Variants in CDH4 observed in about 807,000 individuals in gnomAD.
CDH4 encodes cadherin-4.
CDH4 carries 33 observed loss-of-function variants against 86.0 expected under a neutral mutation model. The ratio of observed to expected loss-of-function variants is 0.38; its 90% CI spans 0.29 to 0.51. The LOEUF is 0.51. Among genes scored for constraint, CDH4 ranks in the 20% least tolerant of loss-of-function variants. The pLI is 0.86. For synonymous variants in CDH4, 555 were observed against 549.4 expected (o/e 1.01, Z -0.14); for missense variants, 1,114 against 1,307.4 (o/e 0.85, Z 2.28).
chr20:61,502,091 CA>C (rs2085706213), intron 2 of CDH4, among the ~76,000 whole-genome samples: 2 of 115,796 alleles, frequency 1.7e-5, no homozygotes, highest in African/African-American at 7.5e-5. Context: ...GAGTGGGGGA[CA>C]GGGGTGGGAT....
Position 61,708,593 on chromosome 20 carries a change from A to G in CDH4, c.170-34970A>G, listed in dbSNP as rs1009702899. 8.6e-5 allele frequency among the ~76,000 whole-genome samples: 13 copies of G among 151,586 alleles called. No individual in the cohort carries two copies. The East Asian group carries it at 2.3e-3, about 27-fold the overall frequency. On this transcript the variant is annotated intron_variant, in intron 2 of 15. Transcript: ENST00000614565. The surrounding 1 kb of genome is among the most constrained non-coding windows in gnomAD (Gnocchi z 4.5). ...CCCCAGCCCTGCTCCCTCCAGCCTCATGCCCCTTGTAGACCCTCTCCACCC... is the reference window on the plus strand; with the variant it reads ...CCCCAGCCCTGCTCCCTCCAGCCTCGTGCCCCTTGTAGACCCTCTCCACCC...
Position 61,734,846 on chromosome 20 carries a change from A to G in CDH4, c.170-8717A>G, listed in dbSNP as rs1466342201. The stretch of plus-strand genomic sequence containing the variant: ...ACACAAAGCGCGCACAGTCACACGA[A>G]TCAACCTGGGCAGATATTCAAGAAC... On this transcript the variant is annotated intron_variant, in intron 2 of 15. Transcript: ENST00000614565. Among the ~76,000 whole-genome samples, 3 of 152,240 alleles carry G rather than the reference A, an allele frequency of 2.0e-5. No individual in the cohort carries two copies. The East Asian group carries it at 5.8e-4, about 29-fold the overall frequency.
At chr20:61,482,700 G>C (rs1461766540) in intron 2 of CDH4, among the ~76,000 whole-genome samples, 2 of 152,172 alleles carry the variant, frequency 1.3e-5, no homozygotes, top group African/African-American at 4.8e-5. Context: ...CATGTGACCA[G>C]AACCAGCCAA....
rs1244505096 is a variant in CDH4, at chr20:61,401,921, G to C, written c.169+146984G>C. The stretch of plus-strand genomic sequence containing the variant: ...CACCTGTGACAAAAGCTGCTAGGAA[G>C]AACTGACCAGCTGCACATGCATTTA... On this transcript the variant is annotated intron_variant, in intron 2 of 15. Transcript: ENST00000614565. Among the ~76,000 whole-genome samples the C allele has an allele frequency of 5.9e-5, 9 of 152,344 alleles. No homozygotes were observed. In the East Asian group the frequency reaches 1.7e-3, roughly 29 times the overall value.
intron 2 of CDH4, among the ~76,000 whole-genome samples, chr20:61,557,505 G>A (rs911212189): frequency 1.3e-5 from 2 of 152,196 alleles, no homozygotes; most frequent in African/African-American, 4.8e-5. Context: ...ATGCCCTCCA[G>A]GACCTTGGTC....
intron 4 of CDH4, among the ~76,000 whole-genome samples, chr20:61,792,131 C>G (rs530991475): frequency 1.3e-5 from 2 of 151,982 alleles, no homozygotes; most frequent in African/African-American, 4.8e-5. Flanking sequence ...TGGGCTAGGA[C>G]AGTAGAGGCG....
chr20:61,734,265 G>A (rs537439136), intron 2 of CDH4, among the ~76,000 whole-genome samples: 18 of 152,218 alleles, frequency 1.2e-4, no homozygotes, highest in Non-Finnish European at 1.5e-4. Context: ...AAAAGAAGCC[G>A]GGCTCTGCTG....
intron 2 of CDH4, among the ~76,000 whole-genome samples, chr20:61,383,115 G>A: frequency 1.2e-5 from 1 of 80,008 alleles, no homozygotes; most frequent in East Asian, 2.7e-4. Context: ...ATTATATATA[G>A]AATATATATG....
chr20:61,357,185 G>T (rs28444897), intron 2 of CDH4, among the ~76,000 whole-genome samples: 83,581 of 152,090 alleles, frequency 0.55, 24,915 homozygotes, highest in East Asian at 0.82. Flanking sequence ...CCTGCCTCCT[G>T]ATTTCGTCCT....
At chr20:61,679,056 C>T (rs933315060) in intron 2 of CDH4, among the ~76,000 whole-genome samples, 1 of 152,180 alleles carries the variant, frequency 6.6e-6, no homozygotes, top group African/African-American at 2.4e-5. Flanking sequence ...CCGGTTGGAT[C>T]TGTCTTGTTC....
At chr20:61,746,956 G>A (rs2088422277) in intron 3 of CDH4, among the ~76,000 whole-genome samples, 1 of 152,196 alleles carries the variant, frequency 6.6e-6, no homozygotes, top group Admixed American at 6.5e-5. Context: ...TGATCAAGGT[G>A]ACACCGGATT....
At chr20:61,870,611 A>G (rs933364850) in intron 6 of CDH4, among the ~76,000 whole-genome samples, 6 of 152,142 alleles carry the variant, frequency 3.9e-5, no homozygotes, top group African/African-American at 1.4e-4. Flanking sequence ...CACAGGTTTC[A>G]CAGACGAAAA....
At chr20:61,653,575 C>T (rs1438731767) in intron 2 of CDH4, among the ~76,000 whole-genome samples, 1 of 143,196 alleles carries the variant, frequency 7.0e-6, no homozygotes, top group African/African-American at 2.5e-5. Flanking sequence ...CTGACCCCCA[C>T]CTCCCTCCCG....
Position 61,894,966 on chromosome 20 carries a change from C to T in CDH4, c.1107C>T (p.Asn369=), listed in dbSNP as rs1985034664. 5.0e-6 allele frequency: 8 copies of T among 1,613,868 alleles called. No individual in the cohort carries two copies. Among genetic ancestry groups the T allele is most frequent in the Admixed American group, 1.7e-5 (1 of 60,012 alleles). Reference sequence around the variant, plus strand: ...CCACAGATATGGAAGGAAATCTCAACTATGGCCTCTCAAACACAGCCACAG... The same window carrying T: ...CCACAGATATGGAAGGAAATCTCAATTATGGCCTCTCAAACACAGCCACAG... ...VQATDMEGNL[N]YGLSNTATAI... Residue 369 remains asparagine, a synonymous_variant, in exon 8 of 16, where the codon AAC becomes AAT. Transcript: ENST00000614565.
rs2087548351 is a variant in CDH4, at chr20:61,684,086, C to G, written c.170-59477C>G. Among the ~76,000 whole-genome samples the G allele has an allele frequency of 6.6e-6, 1 of 152,224 alleles. No individual in the cohort carries two copies. Among genetic ancestry groups the G allele is most frequent in the Non-Finnish European group, 1.5e-5 (1 of 68,040 alleles). On this transcript the variant is annotated intron_variant, in intron 2 of 15. Transcript: ENST00000614565. This position sits in a 1 kb window ranked among gnomAD's most constrained non-coding sequence, Gnocchi z 4.5. Reference sequence around the variant, plus strand: ...CTTCCCTGTGTGTGGATTCATTTAACAGGGTTGGCTGATACCTACTGTGTA... The same window carrying G: ...CTTCCCTGTGTGTGGATTCATTTAAGAGGGTTGGCTGATACCTACTGTGTA...
In CDH4 at chr20:61,483,679, C is replaced by T. The variant is rs943460412; in HGVS notation, c.169+228742C>T. On this transcript the variant is annotated intron_variant, in intron 2 of 15. Coordinates refer to ENST00000614565, the MANE Select transcript of CDH4 (RefSeq NM_001794.5). The stretch of plus-strand genomic sequence containing the variant: ...GAGGAGCACCAGCACCCGCCCCCCC[C>T]GCCCCGCCCCCGCTGCCCCCAACAC... Among the ~76,000 whole-genome samples, 13 of 148,614 alleles carry T rather than the reference C, an allele frequency of 8.7e-5. 1 individual carries two copies. Among genetic ancestry groups the T allele is most frequent in the Admixed American group, 6.7e-4 (10 of 14,968 alleles).
rs1475229673 is a variant in CDH4, at chr20:61,377,394, C to T, written c.169+122457C>T. Among the ~76,000 whole-genome samples the T allele has an allele frequency of 6.6e-6, 1 of 152,072 alleles. No individual in the cohort carries two copies. Among genetic ancestry groups the T allele is most frequent in the Non-Finnish European group, 1.5e-5 (1 of 68,004 alleles). ...TTGAGTTGTGTGGTCCAGGGCTCTG[C>T]CGGCCCCGCCTCCTGGTTGCCCCAT... On this transcript the variant is annotated intron_variant, in intron 2 of 15. Transcript: ENST00000614565. The surrounding 1 kb of genome is among the most constrained non-coding windows in gnomAD (Gnocchi z 4.0).
chr20:61,662,043 A>C lies in CDH4; in HGVS notation c.170-81520A>C, dbSNP rs112577826. On this transcript the variant is annotated intron_variant, in intron 2 of 15. Transcript: ENST00000614565. ...AACCCCAGGTGTGTTGGAATGTCAC[A>C]TCCTATCTGCCTTCCCAAGCTGGGT... is the stretch of plus-strand genomic sequence containing the variant. Among the ~76,000 whole-genome samples the C allele has an allele frequency of 7.6e-3, 1,163 of 152,248 alleles. 11 individuals carry two copies. Among genetic ancestry groups the C allele is most frequent in the African/African-American group, 0.024 (1,006 of 41,546 alleles).
At chr20:61,524,296 A>G (rs1225075110) in intron 2 of CDH4, among the ~76,000 whole-genome samples, 2 of 152,108 alleles carry the variant, frequency 1.3e-5, no homozygotes, top group East Asian at 1.9e-4. Flanking sequence ...GGCACGTGAA[A>G]ACCCGGGGAA....
Sources: allele counts gnomAD v4.1 joint callset (sites outside exome capture counted in the v4.1 genomes callset), GRCh38; gene constraint gnomAD v4.1.1; non-coding constraint Gnocchi (gnomAD v3.1); transcripts MANE v1.5; gene names NCBI Gene and HGNC (gene_info 2026-07-23, HGNC 2026-07-21).